The following ADCY2 variants were observed in gnomAD, a reference collection of about 807,000 sequenced individuals.
ADCY2 encodes the protein adenylate cyclase type 2.
In ADCY2, 31 loss-of-function variants were observed where a neutral mutation model predicts 125.2. The observed-to-expected ratio is 0.25, with a 90% confidence interval of 0.19 to 0.33. The LOEUF (loss-of-function observed/expected upper bound fraction) is 0.33, where lower values mean the gene tolerates loss of function less well. Among genes scored for constraint, ADCY2 ranks in the 10% least tolerant of loss-of-function variants. The probability of loss-of-function intolerance (pLI) is 1.00; values close to 1 mark genes in which losing one functional copy is unlikely to be tolerated. For missense variants in ADCY2, 904 were observed against 1,418.2 expected (o/e 0.64, Z 5.82); for synonymous variants, 512 against 548.4 (o/e 0.93, Z 0.93).
chr5:7,499,449 T>G (rs2126500512), intron 2 of ADCY2, among the ~76,000 whole-genome samples: 1 of 152,078 alleles, frequency 6.6e-6, no homozygotes, highest in South Asian at 2.1e-4. Flanking sequence ...AGTTAGAAAT[T>G]TTGTACTTTT....
chr5:7,615,168 T>C (rs1186193839), intron 3 of ADCY2, among the ~76,000 whole-genome samples: 1 of 152,096 alleles, frequency 6.6e-6, no homozygotes, highest in Non-Finnish European at 1.5e-5. Flanking sequence ...TCTGCCCCCA[T>C]GGTCCAATCA....
Position 7,418,828 on chromosome 5 carries a change from G to T in ADCY2, c.408+4058G>T, listed in dbSNP as rs1740071006. On this transcript the variant is annotated intron_variant, in intron 2 of 24. Transcript: ENST00000338316. The stretch of plus-strand genomic sequence containing the variant: ...GTGCCACCACACCTGGCTAATTTTT[G>T]TATTTTTAATAGAGACGGGTTTCAC... Among the ~76,000 whole-genome samples, 3 of 151,644 alleles carry T rather than the reference G, an allele frequency of 2.0e-5. No individual in the cohort carries two copies. The South Asian group carries it at 6.3e-4, about 32-fold the overall frequency.
At chr5:7,435,735 G>A (rs780872498) in intron 2 of ADCY2, among the ~76,000 whole-genome samples, 2 of 152,214 alleles carry the variant, frequency 1.3e-5, no homozygotes, top group Non-Finnish European at 2.9e-5. Context: ...TGTGTCAATA[G>A]TAGGACCAAA....
At chr5:7,716,252 A>G (rs79914996) in intron 11 of ADCY2, among the ~76,000 whole-genome samples, 1 of 152,206 alleles carries the variant, frequency 6.6e-6, no homozygotes, top group Non-Finnish European at 1.5e-5. Context: ...ATTTAAATAC[A>G]TACAATTAAG....
intron 2 of ADCY2, among the ~76,000 whole-genome samples, chr5:7,502,212 G>C (rs985056107): frequency 6.6e-6 from 1 of 152,102 alleles, no homozygotes; most frequent in Admixed American, 6.6e-5. Context: ...AATGCAAGTG[G>C]GACTCTGCCC....
At position 7,456,561 on chromosome 5, in the gene ADCY2, C is replaced by T. The variant is rs144836052; in HGVS notation, c.408+41791C>T. On this transcript the variant is annotated intron_variant, in intron 2 of 24. Coordinates refer to ENST00000338316, the MANE Select transcript of ADCY2 (RefSeq NM_020546.3). ...CGATCAGGCTCAAGAAATACATGCT[C>T]CACTTGCTGTGATTTTTAAAATTTA... Among the ~76,000 whole-genome samples the T allele has an allele frequency of 1.7e-3, 254 of 152,216 alleles. 1 individual carries two copies. Among genetic ancestry groups the T allele is most frequent in the African/African-American group, 5.9e-3 (246 of 41,554 alleles).
At chr5:7,611,793 G>C (rs1370866742) in intron 3 of ADCY2, among the ~76,000 whole-genome samples, 1 of 152,170 alleles carries the variant, frequency 6.6e-6, no homozygotes, top group Non-Finnish European at 1.5e-5. Flanking sequence ...CTTCCTAAGA[G>C]AAGTGTGCCC....
At chr5:7,541,088 T>G (rs768349504) in intron 3 of ADCY2, among the ~76,000 whole-genome samples, 1 of 152,156 alleles carries the variant, frequency 6.6e-6, no homozygotes, top group African/African-American at 2.4e-5. Context: ...CCGTTTACAT[T>G]TGCATCAACT....
intron 3 of ADCY2, among the ~76,000 whole-genome samples, chr5:7,572,527 T>A (rs1167565198): frequency 6.6e-6 from 1 of 152,206 alleles, no homozygotes; most frequent in South Asian, 2.1e-4. Flanking sequence ...TTAAGTTCCT[T>A]ATAGATGCTG....
intron 2 of ADCY2, among the ~76,000 whole-genome samples, chr5:7,472,690 G>A (rs774214466): frequency 2.0e-5 from 3 of 152,084 alleles, no homozygotes; most frequent in African/African-American, 7.2e-5. Flanking sequence ...TAGCTAGGCT[G>A]GTAGTTTTGG....
intron 3 of ADCY2, among the ~76,000 whole-genome samples, chr5:7,528,982 G>A (rs1194626565): frequency 6.6e-6 from 1 of 152,194 alleles, no homozygotes; most frequent in Non-Finnish European, 1.5e-5. Context: ...TGTTCTTGCA[G>A]CACAGAATGA....
intron 4 of ADCY2, among the ~76,000 whole-genome samples, chr5:7,669,788 A>C (rs1739872694): frequency 1.3e-5 from 2 of 152,188 alleles, no homozygotes; most frequent in Admixed American, 1.3e-4. Context: ...ACCACTGAAG[A>C]GTTTAAAGTT....
intron 2 of ADCY2, among the ~76,000 whole-genome samples, chr5:7,499,648 G>GATATATATATATATATATATATAT (rs70940741): frequency 1.6e-4 from 19 of 118,422 alleles, no homozygotes; most frequent in Non-Finnish European, 2.9e-4. Context: ...TATGTGGGTG[G>GATATATATATATATATATATATAT]ATATATATAT....
chr5:7,639,164 T>C (rs1382861763), intron 4 of ADCY2, among the ~76,000 whole-genome samples: 1 of 152,192 alleles, frequency 6.6e-6, no homozygotes, highest in East Asian at 1.9e-4. Context: ...TGACAATGGC[T>C]ATTATTTCAT....
At chr5:7,792,142 C>T (rs563708891) in intron 20 of ADCY2, among the ~76,000 whole-genome samples, 1 of 145,554 alleles carries the variant, frequency 6.9e-6, no homozygotes. Flanking sequence ...GAGGCCAAGG[C>T]GTTTGGATCA....
intron 3 of ADCY2, among the ~76,000 whole-genome samples, chr5:7,555,492 A>G (rs1213240163): frequency 6.6e-6 from 1 of 152,214 alleles, no homozygotes; most frequent in African/African-American, 2.4e-5. Flanking sequence ...GCTTCACTCT[A>G]GATAGAACAC....
intron 3 of ADCY2, among the ~76,000 whole-genome samples, chr5:7,546,442 C>G (rs1003298498): frequency 2.0e-5 from 3 of 152,034 alleles, no homozygotes; most frequent in Non-Finnish European, 4.4e-5. Context: ...GTGTGAAGAC[C>G]GAGCCTGGGA....
At chr5:7,468,223 A>AT (rs1561042307) in intron 2 of ADCY2, among the ~76,000 whole-genome samples, 1 of 152,184 alleles carries the variant, frequency 6.6e-6, no homozygotes, top group Non-Finnish European at 1.5e-5. Flanking sequence ...GGAGGATCAA[A>AT]TTTGATGAGA....
At chr5:7,467,354 C>A (rs1431466340) in intron 2 of ADCY2, among the ~76,000 whole-genome samples, 1 of 152,182 alleles carries the variant, frequency 6.6e-6, no homozygotes, top group South Asian at 2.1e-4. Flanking sequence ...AGGCAATTGC[C>A]CTTTCTCTGC....
Sources: gnomAD v4.1 joint callset for allele counts (sites outside exome capture counted in the v4.1 genomes callset) on GRCh38, gnomAD v4.1.1 for gene constraint, MANE v1.5 for transcripts, NCBI Gene and HGNC (gene_info 2026-07-23, HGNC 2026-07-21) for gene names.